PSME4: variants seen among roughly 807,000 people sequenced by gnomAD.
The protein encoded by PSME4 is proteasome activator subunit 4.
A neutral mutation model predicts 253.9 loss-of-function variants in PSME4; 89 were observed. The observed-to-expected ratio is 0.35, with a 90% confidence interval of 0.30 to 0.42. The LOEUF (loss-of-function observed/expected upper bound fraction) is 0.42. Among genes scored for constraint, PSME4 ranks in the 10% least tolerant of loss-of-function variants. The probability of loss-of-function intolerance (pLI) is 1.00; values close to 1 mark genes in which losing one functional copy is unlikely to be tolerated. For synonymous variants in PSME4, 851 were observed against 759.2 expected (o/e 1.12, Z -1.99); for missense variants, 2,014 against 2,195.2 (o/e 0.92, Z 1.65).
At chr2:53,946,898 A>G (rs1332977667) in intron 3 of PSME4, among the ~76,000 whole-genome samples, 2 of 152,032 alleles carry the variant, frequency 1.3e-5, no homozygotes, top group Non-Finnish European at 1.5e-5. Flanking sequence ...TAGGCAACAG[A>G]GCAACCCTGA....
rs1414469537 is a variant in PSME4, at chr2:53,933,335, G to A, written c.958-575C>T. 3.1e-5 allele frequency among the ~76,000 whole-genome samples: 4 copies of A among 128,108 alleles called. No homozygotes were observed. The South Asian group carries it at 7.5e-4, about 24-fold the overall frequency. The allele number at this position is 128,108 out of a possible 152,430, so 84.0% of individuals were successfully genotyped here. On this transcript the variant is annotated intron_variant, in intron 8 of 46. Coordinates refer to ENST00000404125, the MANE Select transcript of PSME4 (RefSeq NM_014614.3). The stretch of plus-strand genomic sequence containing the variant: ...GGAGGTTGCAGTGAGCTGAAATCAC[G>A]CTACTGCACTCCAGCCTGGGCGATA...
chr2:53,940,486 A>G (rs1310343941), intron 3 of PSME4, among the ~76,000 whole-genome samples: 1 of 152,174 alleles, frequency 6.6e-6, no homozygotes, highest in Non-Finnish European at 1.5e-5. Flanking sequence ...ATTATCAAAA[A>G]GAACAATAGC....
chr2:53,914,244 A>G (rs1336462827), intron 20 of PSME4, among the ~76,000 whole-genome samples: 1 of 152,192 alleles, frequency 6.6e-6, no homozygotes, highest in Admixed American at 6.5e-5. Flanking sequence ...GATTATTTAG[A>G]GAATGGACTG....
chr2:53,955,677 T>C (rs911750711), intron 1 of PSME4, among the ~76,000 whole-genome samples: 3 of 152,076 alleles, frequency 2.0e-5, no homozygotes, highest in African/African-American at 4.8e-5. Context: ...ATCCAAGCAC[T>C]TTCGGAGGCC....
In PSME4 at chr2:53,897,884, T is replaced by A; in HGVS notation, c.3592A>T (p.Ile1198Phe). The change falls in exon 31 of 47, where the codon ATT becomes TTT. Residue 1198 changes from isoleucine to phenylalanine, a missense_variant. Ile to Phe is a conservative substitution (Grantham distance 21, BLOSUM62 0). Around this residue, in one of 4 missense-constraint regions of PSME4, gnomAD observed 989 missense variants for 1,021.1 expected, o/e 0.97. Transcript: ENST00000404125. ...AAGGTATGTACCTTTCGAACTACAATTGCATCATGGTTGAGATTCTCAACA... is the reference window on the plus strand; with the variant it reads ...AAGGTATGTACCTTTCGAACTACAAATGCATCATGGTTGAGATTCTCAACA... Reference protein sequence around the residue: ...FFVENLNHDAIVVRKMAISAV... With the variant: ...FFVENLNHDAFVVRKMAISAV... 1.2e-6 allele frequency: 2 copies of A among 1,613,754 alleles called. No homozygotes were observed. Among genetic ancestry groups the A allele is most frequent in the Non-Finnish European group, 1.7e-6 (2 of 1,179,712 alleles).
chr2:53,946,492 T>C (rs552163269), intron 3 of PSME4, among the ~76,000 whole-genome samples: 1 of 152,358 alleles, frequency 6.6e-6, no homozygotes, highest in South Asian at 2.1e-4. Flanking sequence ...TGACCTCTTA[T>C]TTAAAGAAGA....
chr2:53,963,860 A>C (rs1670599766), intron 1 of PSME4, among the ~76,000 whole-genome samples: 1 of 152,172 alleles, frequency 6.6e-6, no homozygotes, highest in African/African-American at 2.4e-5. Context: ...TTTTCCTTTG[A>C]AGATATATAC....
At chr2:53,871,984 C>T (rs805387) in intron 43 of PSME4, among the ~76,000 whole-genome samples, 4 of 151,788 alleles carry the variant, frequency 2.6e-5, no homozygotes, top group African/African-American at 9.7e-5. Context: ...ACTGCACTCC[C>T]GCCTGGGCAA....
intron 44 of PSME4, among the ~76,000 whole-genome samples, 189 bp from the exon 45 acceptor site, chr2:53,867,069 A>C (rs1678600614): frequency 1.3e-5 from 2 of 152,186 alleles, no homozygotes; most frequent in Non-Finnish European, 2.9e-5. Flanking sequence ...TGTATTTAAG[A>C]ATTTGTCAGC....
At chr2:53,933,742 A>G (rs963169768) in intron 8 of PSME4, among the ~76,000 whole-genome samples, 2 of 152,224 alleles carry the variant, frequency 1.3e-5, no homozygotes, top group Non-Finnish European at 2.9e-5. Flanking sequence ...AAAGCAGAGC[A>G]AAATTCACTC....
chr2:53,910,459 A>G (rs1281994613), intron 20 of PSME4, among the ~76,000 whole-genome samples: 1 of 152,260 alleles, frequency 6.6e-6, no homozygotes, highest in African/African-American at 2.4e-5. Context: ...ATAATGGCAC[A>G]ACAGTTAAAA....
chr2:53,868,611 A>T (rs1678721285), intron 44 of PSME4, among the ~76,000 whole-genome samples: 1 of 137,670 alleles, frequency 7.3e-6, no homozygotes, highest in East Asian at 2.0e-4. Flanking sequence ...ATATATATAC[A>T]TACATATATA....
intron 20 of PSME4, among the ~76,000 whole-genome samples, chr2:53,915,930 C>T (rs1351467769): frequency 6.6e-6 from 1 of 151,952 alleles, no homozygotes; most frequent in Non-Finnish European, 1.5e-5. Context: ...AAACAATTAG[C>T]CAGGCATGGT....
At chr2:53,902,413 A>C (rs1680446132) in intron 27 of PSME4, among the ~76,000 whole-genome samples, 1 of 152,190 alleles carries the variant, frequency 6.6e-6, no homozygotes, top group African/African-American at 2.4e-5. Flanking sequence ...TTTCATAAAA[A>C]GTTTTTACTA....
chr2:53,923,275 T>C (rs1399333134), intron 15 of PSME4, 46 bp downstream of exon 15: 3 of 1,551,272 alleles, frequency 1.9e-6, no homozygotes, highest in Non-Finnish European at 1.7e-6. Context: ...TATAAACTAG[T>C]TGATTGTTGA....
chr2:53,957,700 T>C (rs1368897158), intron 1 of PSME4, among the ~76,000 whole-genome samples: 1 of 152,052 alleles, frequency 6.6e-6, no homozygotes, highest in Non-Finnish European at 1.5e-5. Flanking sequence ...CAGAGTAAAA[T>C]GTTTAAGTAT....
chr2:53,921,922 C>T (rs1668344806), intron 17 of PSME4, among the ~76,000 whole-genome samples: 1 of 151,036 alleles, frequency 6.6e-6, no homozygotes, highest in African/African-American at 2.4e-5. Context: ...CCTGTAACCC[C>T]AGCACTTTGG....
intron 3 of PSME4, among the ~76,000 whole-genome samples, chr2:53,940,956 TA>T (rs1361876406): frequency 0.092 from 3,500 of 37,942 alleles, 517 homozygotes; most frequent in Admixed American, 0.15. Flanking sequence ...TATATACATA[TA>T]TATATATATA....
In PSME4 at chr2:53,881,054, T is replaced by C. The variant is rs182088745; in HGVS notation, c.4815+4636A>G. 2.1e-3 allele frequency among the ~76,000 whole-genome samples: 324 copies of C among 152,300 alleles called. 2 individuals are homozygous for C. The highest frequency in any genetic ancestry group is 7.5e-3 in the African/African-American group (310 of 41,576). ...AGACACAATACTCTCAAGTACAGCATGGGTGAAAATGTTCTACTAAAAACA... is the reference window on the plus strand; with the variant it reads ...AGACACAATACTCTCAAGTACAGCACGGGTGAAAATGTTCTACTAAAAACA... On this transcript the variant is annotated intron_variant, in intron 41 of 46. Transcript: ENST00000404125.
Sources: gnomAD v4.1 joint callset for allele counts (sites outside exome capture counted in the v4.1 genomes callset) on GRCh38, gnomAD v4.1.1 for gene constraint, gnomAD v4.1.1 regional missense constraint, MANE v1.5 for transcripts, NCBI Gene and HGNC (gene_info 2026-07-23, HGNC 2026-07-21) for gene names.